Variants in SYT1 observed in about 807,000 individuals in gnomAD.
SYT1 encodes synaptotagmin-1.
Under a neutral mutation model 44.8 loss-of-function variants are expected in SYT1, and 8 were observed. The observed-to-expected ratio is 0.18, with a 90% CI of 0.10 to 0.32. The LOEUF is 0.32. Ranked by LOEUF, SYT1 falls within the 10% of genes least tolerant of loss-of-function variation. The pLI, the probability that SYT1 is intolerant of heterozygous loss-of-function variation, is 1.00. For missense variants in SYT1, 286 were observed against 509.3 expected (o/e 0.56, Z 4.22); for synonymous variants, 154 against 188.8 (o/e 0.82, Z 1.51).
intron 8 of SYT1, among the ~76,000 whole-genome samples, chr12:79,348,764 G>C (rs891226417): frequency 6.6e-6 from 1 of 151,898 alleles, no homozygotes; most frequent in Non-Finnish European, 1.5e-5. Flanking sequence ...TGGTGGTGTT[G>C]GTAGTAGCAG....
In SYT1 at chr12:78,885,498, G is replaced by C. The variant is rs573516904; in HGVS notation, c.-217+20389G>C. Among the ~76,000 whole-genome samples the C allele has an allele frequency of 1.1e-4, 17 of 152,068 alleles. No homozygotes were observed. In the South Asian group the frequency reaches 3.3e-3, roughly 30 times the overall value. Reference sequence around the variant, plus strand: ...AAGGAAAGAGAGTAGAGAGTGCCAAGTTGGGAATATGAAGACAGAATACAT... The same window carrying C: ...AAGGAAAGAGAGTAGAGAGTGCCAACTTGGGAATATGAAGACAGAATACAT... On this transcript the variant is annotated intron_variant, in intron 1 of 10. Coordinates refer to ENST00000261205, the MANE Select transcript of SYT1 (RefSeq NM_005639.3).
At chr12:79,380,354 A>G (rs1277377728) in intron 9 of SYT1, among the ~76,000 whole-genome samples, 2 of 152,180 alleles carry the variant, frequency 1.3e-5, no homozygotes, top group African/African-American at 4.8e-5. Context: ...TACCTTATTC[A>G]CAATCAGCAA....
chr12:79,138,770 T>A (rs907196414), intron 3 of SYT1, among the ~76,000 whole-genome samples: 1 of 152,234 alleles, frequency 6.6e-6, no homozygotes, highest in African/African-American at 2.4e-5. Flanking sequence ...TATATTTACA[T>A]GACCTACCTG....
At chr12:79,402,120 C>T (rs764211766) in intron 9 of SYT1, among the ~76,000 whole-genome samples, 2 of 151,788 alleles carry the variant, frequency 1.3e-5, no homozygotes, top group Non-Finnish European at 2.9e-5. Flanking sequence ...GATCCTCTGA[C>T]AGGAGTTGAC....
intron 3 of SYT1, among the ~76,000 whole-genome samples, chr12:79,070,402 A>AT (rs893263082): frequency 2.1e-4 from 32 of 150,934 alleles, no homozygotes; most frequent in African/African-American, 4.6e-4. Flanking sequence ...TTTCAGGCTC[A>AT]TTTTTTTTTA....
chr12:79,258,992 G>A (rs1877686788), intron 4 of SYT1, among the ~76,000 whole-genome samples: 1 of 152,212 alleles, frequency 6.6e-6, no homozygotes, highest in Non-Finnish European at 1.5e-5. Flanking sequence ...AACTTGCTAA[G>A]ATGGCAGAAT....
chr12:79,322,130 A>C (rs189405341), intron 8 of SYT1, among the ~76,000 whole-genome samples: 1 of 152,318 alleles, frequency 6.6e-6, no homozygotes, highest in Non-Finnish European at 1.5e-5. Flanking sequence ...TTTCCAGTTG[A>C]AATCACATAC....
At chr12:79,117,483 G>A (rs1169422312) in intron 3 of SYT1, among the ~76,000 whole-genome samples, 1 of 150,782 alleles carries the variant, frequency 6.6e-6, no homozygotes, top group Non-Finnish European at 1.5e-5. Flanking sequence ...CTCAAATCAA[G>A]GAAAAAGCTT....
At chr12:79,409,293 G>A (rs1166315196) in intron 9 of SYT1, among the ~76,000 whole-genome samples, 1 of 152,060 alleles carries the variant, frequency 6.6e-6, no homozygotes, top group Non-Finnish European at 1.5e-5. Context: ...TTCACTTGGA[G>A]CAAAAACAAT....
intron 3 of SYT1, among the ~76,000 whole-genome samples, chr12:79,090,137 A>G (rs995519119): frequency 6.6e-6 from 1 of 152,080 alleles, no homozygotes; most frequent in Non-Finnish European, 1.5e-5. Context: ...TTAGTCAGTA[A>G]TATGTTTTGA....
chr12:79,076,318 G>A (rs2137926506), intron 3 of SYT1, among the ~76,000 whole-genome samples: 1 of 152,170 alleles, frequency 6.6e-6, no homozygotes, highest in East Asian at 1.9e-4. Flanking sequence ...ATCAAAGGAA[G>A]GTGACCGTGA....
chr12:78,940,107 A>G (rs1878270200), intron 1 of SYT1, among the ~76,000 whole-genome samples: 2 of 152,180 alleles, frequency 1.3e-5, no homozygotes, highest in Non-Finnish European at 2.9e-5. Context: ...AAATGTGCTT[A>G]AATGCTAGTC....
chr12:79,225,480 A>G (rs2138594757), intron 4 of SYT1, among the ~76,000 whole-genome samples: 1 of 152,340 alleles, frequency 6.6e-6, no homozygotes, highest in African/African-American at 2.4e-5. Context: ...TCTGCTGCTG[A>G]GTTAATGGAC....
At chr12:78,961,619 A>C (rs1201887510) in intron 1 of SYT1, among the ~76,000 whole-genome samples, 1 of 152,098 alleles carries the variant, frequency 6.6e-6, no homozygotes, top group Non-Finnish European at 1.5e-5. Flanking sequence ...AGTATGGCAT[A>C]TAAACATGAG....
intron 1 of SYT1, among the ~76,000 whole-genome samples, chr12:78,972,989 G>A (rs1868487064): frequency 6.6e-6 from 1 of 152,080 alleles, no homozygotes; most frequent in Non-Finnish European, 1.5e-5. Flanking sequence ...AAATATGTTA[G>A]TTAGGACAAA....
chr12:79,357,830 T>C (rs1168415982), intron 9 of SYT1, among the ~76,000 whole-genome samples: 1 of 152,164 alleles, frequency 6.6e-6, no homozygotes, highest in African/African-American at 2.4e-5. Context: ...CACATCTCTG[T>C]GTGGAGTAAA....
intron 1 of SYT1, among the ~76,000 whole-genome samples, chr12:78,899,774 G>C (rs12314158): frequency 0.024 from 3,628 of 151,944 alleles, 152 homozygotes; most frequent in African/African-American, 0.082. Flanking sequence ...AATACACTTA[G>C]TTCAATATGC....
At chr12:79,146,136 CAGACTTCA>C in intron 3 of SYT1, among the ~76,000 whole-genome samples, 1 of 152,320 alleles carries the variant, frequency 6.6e-6, no homozygotes, top group Middle Eastern at 3.4e-3. Flanking sequence ...AAAACCACTT[CAGACTTCA>C]AGGAGTTTTT....
At chr12:79,426,954 C>A (rs1240510521) in intron 9 of SYT1, among the ~76,000 whole-genome samples, 2 of 152,108 alleles carry the variant, frequency 1.3e-5, no homozygotes, top group Non-Finnish European at 2.9e-5. Context: ...TGGCATTTCC[C>A]CTGCTTACAA....
Sources: gnomAD v4.1 joint callset for allele counts (sites outside exome capture counted in the v4.1 genomes callset) on GRCh38, gnomAD v4.1.1 for gene constraint, MANE v1.5 for transcripts, NCBI Gene and HGNC (gene_info 2026-07-23, HGNC 2026-07-21) for gene names.